Variants in MTFR1 observed in about 807,000 individuals in gnomAD.
The protein encoded by MTFR1 is mitochondrial fission regulator 1.
In MTFR1, 28 loss-of-function variants were observed where a neutral mutation model predicts 38.8. The observed-to-expected ratio is 0.72, with a 90% CI of 0.53 to 0.99. The LOEUF (loss-of-function observed/expected upper bound fraction) is 0.99, where lower values mean the gene tolerates loss of function less well. Ranked by LOEUF, MTFR1 falls within the 50% of genes least tolerant of loss-of-function variation. MTFR1 has a pLI of 0.00. For synonymous variants in MTFR1, 145 were observed against 137.0 expected, an observed-to-expected ratio of 1.06 and a Z score of -0.41; for missense variants, 358 against 395.5, an observed-to-expected ratio of 0.91 and a Z score of 0.81.
At chr8:65,659,907 C>T (rs759415261) in intron 1 of MTFR1, among the ~76,000 whole-genome samples, 3 of 152,088 alleles carry the variant, frequency 2.0e-5, no homozygotes, top group Admixed American at 6.6e-5. Flanking sequence ...TTTTTCTAGC[C>T]AGTGCTCTGT....
chr8:65,676,907 G>T (rs770892922), intron 2 of MTFR1, among the ~76,000 whole-genome samples: 1 of 151,916 alleles, frequency 6.6e-6, no homozygotes. Flanking sequence ...CCTCCTCCTT[G>T]CTGTCATCAC....
chr8:65,759,888 T>G (rs887317421), intron 3 of MTFR1, among the ~76,000 whole-genome samples: 2 of 152,170 alleles, frequency 1.3e-5, no homozygotes, highest in Non-Finnish European at 2.9e-5. Flanking sequence ...ATTTTCTATA[T>G]GTATATATAC....
At chr8:65,661,864 T>G (rs1809422636) in intron 1 of MTFR1, among the ~76,000 whole-genome samples, 1 of 151,946 alleles carries the variant, frequency 6.6e-6, no homozygotes, top group Admixed American at 6.6e-5. Context: ...CTTGGGAGGC[T>G]GAGGTGGGAG....
chr8:65,767,314 T>C (rs1350740380), intron 3 of MTFR1, among the ~76,000 whole-genome samples: 1 of 152,220 alleles, frequency 6.6e-6, no homozygotes, highest in African/African-American at 2.4e-5. Context: ...TCCAACTGCA[T>C]GACCAGAGAC....
At chr8:65,708,888 G>A (rs970709922) in intron 7 of MTFR1, 88 bp from the exon 8 acceptor site, 1 of 1,295,114 alleles carries the variant, frequency 7.7e-7, no homozygotes, top group South Asian at 1.2e-5. Context: ...AACATACCCA[G>A]CCCTCTAATC....
At position 65,709,460 on chromosome 8, in the gene MTFR1, A is replaced by G. The variant is rs2129060278; in HGVS notation, c.*416A>G. 1 of 157,500 alleles carries G rather than the reference A, an allele frequency of 6.3e-6. No individual in the cohort carries two copies. The highest frequency in any genetic ancestry group is 1.8e-4 in the East Asian group (1 of 5,560). 9.8% of individuals were successfully genotyped at this position (157,500 alleles called of 1,614,324 possible). A position where few individuals can be genotyped will look rare whatever the true frequency, so the allele number is the denominator to read the frequency against. ...GTAAAATTAGTAATGAATGATGGCA[A>G]CGAGGGCACTGTTATCTTCGTTTGT... On this transcript the variant is annotated 3_prime_UTR_variant, in exon 8 of 8. Transcript: ENST00000262146.
intron 4 of MTFR1, among the ~76,000 whole-genome samples, chr8:65,695,708 A>G (rs1463076620): frequency 2.6e-5 from 4 of 152,138 alleles, no homozygotes; most frequent in African/African-American, 4.8e-5. Context: ...GGGTAATAAG[A>G]GAGGGTAGTC....
intron 3 of MTFR1, among the ~76,000 whole-genome samples, chr8:65,768,318 G>T (rs1808901697): frequency 6.6e-6 from 1 of 152,114 alleles, no homozygotes; most frequent in East Asian, 1.9e-4. Context: ...ATCTCATCTT[G>T]AATTGTAACT....
intron 3 of MTFR1, chr8:65,682,999 T>C (rs553364439): frequency 2.2e-6 from 2 of 892,836 alleles, no homozygotes; most frequent in Admixed American, 1.2e-4. Context: ...AGGAGAACTT[T>C]TGAAAGTCTT....
chr8:65,701,773 A>G (rs1805616904), intron 4 of MTFR1, among the ~76,000 whole-genome samples: 1 of 152,176 alleles, frequency 6.6e-6, no homozygotes. Flanking sequence ...GAAGATCCCC[A>G]ACCTCTTAGA....
intron 3 of MTFR1, chr8:65,739,457 T>C (rs1179927987): frequency 6.6e-7 from 1 of 1,508,406 alleles, no homozygotes. Context: ...CAGGTTCTTG[T>C]ATAAATGTAA....
intron 1 of MTFR1, among the ~76,000 whole-genome samples, chr8:65,662,116 CCT>C (rs1421844270): frequency 7.0e-6 from 1 of 142,886 alleles, no homozygotes; most frequent in Non-Finnish European, 1.5e-5. Context: ...TCTCCCTCTC[CCT>C]CTCTTTCCAC....
chr8:65,674,966 A>G (rs1804670829), intron 2 of MTFR1, among the ~76,000 whole-genome samples: 1 of 152,144 alleles, frequency 6.6e-6, no homozygotes, highest in African/African-American at 2.4e-5. Context: ...CTACCCTTAG[A>G]AGGGAAAGAT....
chr8:65,732,210 G>A (rs1806922080), intron 3 of MTFR1, among the ~76,000 whole-genome samples: 1 of 151,706 alleles, frequency 6.6e-6, no homozygotes, highest in African/African-American at 2.4e-5. Context: ...TGTTGGCCAG[G>A]CTGGTCACAA....
Position 65,704,821 on chromosome 8 carries a change from A to G in MTFR1, c.409A>G (p.Asn137Asp). ...TCAGCTGAAGACCCCAGCGCTGGCA[A>G]ATGAGGAAGCACTGCAGAAGATTTG... Reference protein sequence around the residue: ...EPQLKTPALANEEALQKICAL... With the variant: ...EPQLKTPALADEEALQKICAL... The change falls in exon 5 of 8, where the codon AAT becomes GAT. Residue 137 changes from asparagine to aspartate, a missense_variant. By Grantham distance (23) the Asn-to-Asp change is conservative (BLOSUM62 1). Coordinates refer to ENST00000262146, the MANE Select transcript of MTFR1 (RefSeq NM_014637.4). The G allele has an allele frequency of 6.2e-7, 1 of 1,614,150 alleles. No homozygotes were observed. The highest frequency in any genetic ancestry group is 8.5e-7 in the Non-Finnish European group (1 of 1,180,030).
chr8:65,656,821 A>G (rs1223076947), intron 1 of MTFR1, among the ~76,000 whole-genome samples: 1 of 151,218 alleles, frequency 6.6e-6, no homozygotes, highest in African/African-American at 2.4e-5. Flanking sequence ...TTTTTAAAAA[A>G]TTTCTGTGGA....
Position 65,663,340 on chromosome 8 carries a change from G to C in MTFR1, c.-80-6533G>C, listed in dbSNP as rs1343132584. ...ACAGATGCTTGAAGGCAGCATGCTCGTTAAGAGTCATCACCACTCTCTAAT... is the reference window on the plus strand; with the variant it reads ...ACAGATGCTTGAAGGCAGCATGCTCCTTAAGAGTCATCACCACTCTCTAAT... On this transcript the variant is annotated intron_variant, in intron 1 of 7. Transcript: ENST00000262146. 1.1e-4 allele frequency among the ~76,000 whole-genome samples: 17 copies of C among 152,008 alleles called. No homozygotes were observed. The East Asian group carries it at 1.4e-3, about 12-fold the overall frequency.
intron 2 of MTFR1, among the ~76,000 whole-genome samples, chr8:65,679,293 A>C (rs191220158): frequency 3.3e-5 from 5 of 152,346 alleles, no homozygotes; most frequent in Admixed American, 3.3e-4. Context: ...TATTTGTAAA[A>C]GAACAGGATC....
downstream of MTFR1, among the ~76,000 whole-genome samples, chr8:65,715,372 TA>T (rs1162786052): frequency 1.3e-5 from 2 of 149,562 alleles, no homozygotes; most frequent in South Asian, 2.1e-4. Context: ...CCTGTCTCTA[TA>T]AAAAAGTTTT....
Sources: allele counts gnomAD v4.1 joint callset (sites outside exome capture counted in the v4.1 genomes callset), GRCh38; gene constraint gnomAD v4.1.1; transcripts MANE v1.5; gene names NCBI Gene and HGNC (gene_info 2026-07-23, HGNC 2026-07-21).